ARHGAP28: variants seen among roughly 807,000 people sequenced by gnomAD.
ARHGAP28 encodes the protein Rho GTPase activating protein 28.
In ARHGAP28, 56 loss-of-function variants were observed where a neutral mutation model predicts 90.7. The observed-to-expected ratio is 0.62, with a 90% CI of 0.50 to 0.77. The LOEUF is 0.77. Among genes scored for constraint, ARHGAP28 ranks in the 30% least tolerant of loss-of-function variants. The probability of loss-of-function intolerance (pLI) is 0.00; values close to 1 mark genes in which losing one functional copy is unlikely to be tolerated. For missense variants in ARHGAP28, 869 were observed against 900.9 expected (o/e 0.96, Z 0.45); for synonymous variants, 308 against 323.3 (o/e 0.95, Z 0.51).
intron 1 of ARHGAP28, 47 bp downstream of exon 1, chr18:6,729,990 G>C (rs1200980190): frequency 3.8e-6 from 5 of 1,300,776 alleles, no homozygotes; most frequent in East Asian, 6.4e-5. Flanking sequence ...CGCTGGGCTT[G>C]GGGGGTTCGC....
intron 11 of ARHGAP28, 90 bp from the exon 12 acceptor site, chr18:6,887,067 C>T (rs964286763): frequency 6.0e-6 from 7 of 1,164,516 alleles, no homozygotes; most frequent in Non-Finnish European, 8.9e-6. Context: ...CTGTCAGGAG[C>T]CCTCCTGTGC....
chr18:6,812,984 T>C (rs1014533754), intron 1 of ARHGAP28, among the ~76,000 whole-genome samples: 1 of 152,220 alleles, frequency 6.6e-6, no homozygotes, highest in Non-Finnish European at 1.5e-5. Context: ...GAACAGTGTT[T>C]TCAGTAAACT....
chr18:6,835,343 T>C (rs1172483935), intron 2 of ARHGAP28, among the ~76,000 whole-genome samples: 1 of 152,238 alleles, frequency 6.6e-6, no homozygotes, highest in Non-Finnish European at 1.5e-5. Context: ...AAGAGCTCCA[T>C]GTCATAACTC....
chr18:6,778,743 T>A (rs1291975142), intron 1 of ARHGAP28, among the ~76,000 whole-genome samples: 1 of 152,086 alleles, frequency 6.6e-6, no homozygotes, highest in Non-Finnish European at 1.5e-5. Context: ...TTGATTAGAG[T>A]TGATTTTGCT....
At chr18:6,794,486 C>A (rs904308656) in intron 1 of ARHGAP28, among the ~76,000 whole-genome samples, 1 of 152,216 alleles carries the variant, frequency 6.6e-6, no homozygotes, top group African/African-American at 2.4e-5. Flanking sequence ...GGTAACAATG[C>A]GCATTACTGC....
Position 6,914,781 on chromosome 18 carries a change from A to G in ARHGAP28, c.*2627A>G, listed in dbSNP as rs1286323118. The G allele has an allele frequency of 6.6e-6, 1 of 152,330 alleles. No homozygotes were observed. 9.4% of individuals were successfully genotyped at this position (152,330 alleles called of 1,614,324 possible). On this transcript the variant is annotated 3_prime_UTR_variant, in exon 18 of 18. Transcript: ENST00000383472. ...GGAGAAAGTGTTAGAGGGAACTAAC[A>G]TTTTAGGAATGCTTATTCAGAAAAA...
chr18:6,838,437 C>T (rs578122948), intron 3 of ARHGAP28, among the ~76,000 whole-genome samples: 4 of 152,300 alleles, frequency 2.6e-5, no homozygotes, highest in Non-Finnish European at 5.9e-5. Flanking sequence ...AAAGTAGTCA[C>T]ATTGGGTAGT....
intron 1 of ARHGAP28, among the ~76,000 whole-genome samples, chr18:6,799,559 G>T (rs773031588): frequency 2.0e-5 from 3 of 152,092 alleles, no homozygotes; most frequent in Non-Finnish European, 1.5e-5. Context: ...ACAGAACAGA[G>T]GTCTCAGAAA....
intron 1 of ARHGAP28, among the ~76,000 whole-genome samples, chr18:6,736,380 A>C (rs900791878): frequency 2.6e-5 from 4 of 152,024 alleles, no homozygotes; most frequent in Non-Finnish European, 5.9e-5. Context: ...AAAGCTCTAA[A>C]GATAGATTTT....
chr18:6,841,164 TC>T (rs2056810380), intron 3 of ARHGAP28, among the ~76,000 whole-genome samples: 4 of 100,476 alleles, frequency 4.0e-5, no homozygotes, highest in African/African-American at 8.3e-5. Flanking sequence ...TCTTTCTCTC[TC>T]TCCTCTCTCT....
At chr18:6,787,602 CACAG>C (rs1484731422) in intron 1 of ARHGAP28, among the ~76,000 whole-genome samples, 1 of 152,164 alleles carries the variant, frequency 6.6e-6, no homozygotes, top group African/African-American at 2.4e-5. Context: ...ATGCCTGTGG[CACAG>C]ACATTAACAC....
At chr18:6,758,157 C>T (rs948629118) in intron 1 of ARHGAP28, among the ~76,000 whole-genome samples, 1 of 152,102 alleles carries the variant, frequency 6.6e-6, no homozygotes, top group Non-Finnish European at 1.5e-5. Context: ...GGTTTGCTAG[C>T]AATATTATTT....
intron 16 of ARHGAP28, among the ~76,000 whole-genome samples, chr18:6,907,679 G>A (rs994971793): frequency 1.3e-5 from 2 of 152,156 alleles, no homozygotes; most frequent in Admixed American, 6.5e-5. Flanking sequence ...AGGAGTGAAT[G>A]TGGCTATAAA....
chr18:6,897,509 A>G (rs2057313085), intron 16 of ARHGAP28: 1 of 152,154 alleles, frequency 6.6e-6, no homozygotes, highest in Admixed American at 6.5e-5. Context: ...AAGAATAAAC[A>G]TTTGTCTTCT....
Position 6,871,522 on chromosome 18 carries a change from CTA to C in ARHGAP28, c.954+795_954+796del, listed in dbSNP as rs1354647691. ...ATTAGTACATGATGGGCAAAGAGAG[CTA>C]TATACTTTGTTACCCCCAAAGTCTC... On this transcript the variant is annotated intron_variant, in intron 7 of 17. Transcript: ENST00000383472. Among the ~76,000 whole-genome samples, 3 of 152,074 alleles carry C rather than the reference CTA, an allele frequency of 2.0e-5. No individual in the cohort carries two copies. The East Asian group carries it at 5.8e-4, about 29-fold the overall frequency.
At chr18:6,749,362 G>A (rs2056050364) in intron 1 of ARHGAP28, among the ~76,000 whole-genome samples, 1 of 152,120 alleles carries the variant, frequency 6.6e-6, no homozygotes, top group Admixed American at 6.5e-5. Context: ...TGCTGGACTG[G>A]AGAGATATTT....
At position 6,876,686 on chromosome 18, in the gene ARHGAP28, T is replaced by C. The variant is rs116155013; in HGVS notation, c.1290+478T>C. ...TTTAAACATTCTTTGGCTCTCCCTT[T>C]AGTGAAAGCTCTTACAGGAATTTGT... On this transcript the variant is annotated intron_variant, in intron 10 of 17. Coordinates refer to ENST00000383472, the MANE Select transcript of ARHGAP28 (RefSeq NM_001366230.1). Among the ~76,000 whole-genome samples the C allele has an allele frequency of 4.7e-3, 719 of 152,304 alleles. 9 individuals are homozygous for C. The highest frequency in any genetic ancestry group is 0.017 in the African/African-American group (696 of 41,568).
chr18:6,747,144 C>T (rs2056030445), intron 1 of ARHGAP28, among the ~76,000 whole-genome samples: 1 of 149,744 alleles, frequency 6.7e-6, no homozygotes, highest in African/African-American at 2.5e-5. Context: ...CAAAGCTAAT[C>T]AAGACAGAGT....
chr18:6,885,247 A>T (rs1376083165), intron 11 of ARHGAP28, among the ~76,000 whole-genome samples: 1 of 152,244 alleles, frequency 6.6e-6, no homozygotes, highest in African/African-American at 2.4e-5. Context: ...GGTTGATTTG[A>T]TACCAGCGAA....
Sources: gnomAD v4.1 joint callset for allele counts (sites outside exome capture counted in the v4.1 genomes callset) on GRCh38, gnomAD v4.1.1 for gene constraint, MANE v1.5 for transcripts, NCBI Gene and HGNC (gene_info 2026-07-23, HGNC 2026-07-21) for gene names.